The following KCNQ5 variants were observed in gnomAD, a reference collection of about 807,000 sequenced individuals.
KCNQ5 encodes the protein potassium voltage-gated channel subfamily KQT member 5.
Under a neutral mutation model 98.2 loss-of-function variants are expected in KCNQ5, and 30 were observed. The observed-to-expected ratio is 0.31, with a 90% CI of 0.23 to 0.41. KCNQ5 has a LOEUF of 0.41. KCNQ5 is among the 10% of genes least tolerant of loss of function. The pLI is 1.00. For synonymous variants in KCNQ5, 458 were observed against 449.4 expected (o/e 1.02, Z -0.24); for missense variants, 835 against 1,182.5 (o/e 0.71, Z 4.31).
intron 3 of KCNQ5, among the ~76,000 whole-genome samples, chr6:73,061,436 A>G (rs1772776050): frequency 6.6e-6 from 1 of 152,230 alleles, no homozygotes; most frequent in South Asian, 2.1e-4. Flanking sequence ...AGTACAGTTT[A>G]GATGTTGACT....
intron 3 of KCNQ5, among the ~76,000 whole-genome samples, chr6:73,059,655 T>G (rs1372709103): frequency 6.6e-6 from 1 of 152,190 alleles, no homozygotes; most frequent in East Asian, 1.9e-4. Context: ...AAATGACATC[T>G]TATTTTCATA....
chr6:73,020,690 A>G (rs1582203082), intron 2 of KCNQ5, among the ~76,000 whole-genome samples: 1 of 152,196 alleles, frequency 6.6e-6, no homozygotes, highest in East Asian at 1.9e-4. Context: ...CTCCATCCTG[A>G]AGCTGCCTAG....
chr6:73,043,491 G>A (rs1246195343), intron 3 of KCNQ5, among the ~76,000 whole-genome samples: 1 of 152,154 alleles, frequency 6.6e-6, no homozygotes. Flanking sequence ...ATTAGTGAAG[G>A]CATTAGATTT....
At chr6:72,943,240 C>A (rs921210138) in intron 1 of KCNQ5, among the ~76,000 whole-genome samples, 2 of 152,166 alleles carry the variant, frequency 1.3e-5, no homozygotes, top group Admixed American at 6.6e-5. Flanking sequence ...ACAGAATCTG[C>A]ATAAATATAT....
intron 11 of KCNQ5, among the ~76,000 whole-genome samples, chr6:73,172,758 A>AT (rs1475022205): frequency 2.0e-5 from 3 of 152,206 alleles, no homozygotes; most frequent in East Asian, 3.9e-4. Context: ...TTTTCTTGTT[A>AT]TTTTTTAATT....
intron 1 of KCNQ5, among the ~76,000 whole-genome samples, chr6:72,936,635 C>A (rs1765930189): frequency 6.6e-6 from 1 of 152,148 alleles, no homozygotes; most frequent in Non-Finnish European, 1.5e-5. Flanking sequence ...TTTTTCCAAT[C>A]TCTTACAACT....
intron 1 of KCNQ5, among the ~76,000 whole-genome samples, chr6:72,963,735 T>C (rs1767481666): frequency 6.6e-6 from 1 of 152,162 alleles, no homozygotes; most frequent in Admixed American, 6.5e-5. Flanking sequence ...TGATCTTGGC[T>C]CACTGCAACC....
At chr6:72,885,630 G>A (rs1778817712) in intron 1 of KCNQ5, among the ~76,000 whole-genome samples, 1 of 152,066 alleles carries the variant, frequency 6.6e-6, no homozygotes, top group Admixed American at 6.6e-5. Context: ...AAAAAAATAA[G>A]AGAGCCCCTT....
chr6:72,918,143 C>T (rs1452447305), intron 1 of KCNQ5, among the ~76,000 whole-genome samples: 1 of 152,152 alleles, frequency 6.6e-6, no homozygotes, highest in Non-Finnish European at 1.5e-5. Context: ...AACTGAGTTT[C>T]CTGTGTCACT....
At chr6:73,091,471 TAAA>T (rs1216957644) in intron 5 of KCNQ5, among the ~76,000 whole-genome samples, 1 of 151,738 alleles carries the variant, frequency 6.6e-6, no homozygotes, top group Non-Finnish European at 1.5e-5. Flanking sequence ...TAAAGTATAA[TAAA>T]AAAGATAAAA....
intron 1 of KCNQ5, among the ~76,000 whole-genome samples, chr6:72,783,059 G>A (rs570706471): frequency 2.6e-5 from 4 of 152,222 alleles, no homozygotes; most frequent in South Asian, 2.1e-4. Flanking sequence ...TGGTAATGTC[G>A]GGAAGGAGTT....
At chr6:73,097,142 C>CATATATATATATATATATATATAT (rs70994161) in intron 5 of KCNQ5, among the ~76,000 whole-genome samples, 3,776 of 121,304 alleles carry the variant, frequency 0.031, 118 homozygotes, top group South Asian at 0.056. Flanking sequence ...CAATAGATCT[C>CATATATATATATATATATATATAT]ATATATATAT....
At chr6:72,625,212 T>G (rs538279475) in intron 1 of KCNQ5, among the ~76,000 whole-genome samples, 64 of 152,344 alleles carry the variant, frequency 4.2e-4, no homozygotes, top group African/African-American at 1.4e-3. Context: ...GCAAAAATAA[T>G]TATTATAATG....
intron 2 of KCNQ5, among the ~76,000 whole-genome samples, chr6:73,008,456 G>A (rs1769914863): frequency 6.6e-6 from 1 of 151,832 alleles, no homozygotes; most frequent in South Asian, 2.1e-4. Context: ...AGAGAGCAGA[G>A]GTGGCTATAC....
At position 72,927,829 on chromosome 6, in the gene KCNQ5, T is replaced by G. The variant is rs931228107; in HGVS notation, c.399-76079T>G. ...TTATAGGTGACCAATACAAATTTTT[T>G]TTTCACTTGTTTTCGCAAAAGATAG... On this transcript the variant is annotated intron_variant, in intron 1 of 13. Coordinates refer to ENST00000370398, the MANE Select transcript of KCNQ5 (RefSeq NM_019842.4). 3.9e-5 allele frequency among the ~76,000 whole-genome samples: 6 copies of G among 152,192 alleles called. No individual in the cohort carries two copies. In the East Asian group the frequency reaches 1.2e-3, roughly 29 times the overall value.
At chr6:73,017,508 G>T (rs1250093674) in intron 2 of KCNQ5, among the ~76,000 whole-genome samples, 1 of 152,066 alleles carries the variant, frequency 6.6e-6, no homozygotes, top group Non-Finnish European at 1.5e-5. Context: ...CCCCATGCAG[G>T]TATACACACC....
intron 1 of KCNQ5, among the ~76,000 whole-genome samples, chr6:72,814,996 A>G (rs1238047604): frequency 6.6e-6 from 1 of 152,230 alleles, no homozygotes; most frequent in African/African-American, 2.4e-5. Context: ...ATGAGCAAAT[A>G]TCAGGCAAGG....
intron 1 of KCNQ5, among the ~76,000 whole-genome samples, chr6:72,902,052 A>G (rs746763137): frequency 6.6e-6 from 1 of 152,240 alleles, no homozygotes; most frequent in Admixed American, 6.5e-5. Flanking sequence ...TTCCTTGTAG[A>G]GGTCTTTCAC....
At position 72,632,648 on chromosome 6, in the gene KCNQ5, T is replaced by A. The variant is rs528383442; in HGVS notation, c.398+10061T>A. Among the ~76,000 whole-genome samples, 12 of 152,304 alleles carry A rather than the reference T, an allele frequency of 7.9e-5. No individual in the cohort carries two copies. The South Asian group carries it at 1.2e-3, about 16-fold the overall frequency. ...TTTACATCTTTATGTGCTTAGTATT[T>A]ATCTTCACACTTCTAAGTGAGAATA... On this transcript the variant is annotated intron_variant, in intron 1 of 13. Coordinates refer to ENST00000370398, the MANE Select transcript of KCNQ5 (RefSeq NM_019842.4).
Sources: allele counts gnomAD v4.1 joint callset (sites outside exome capture counted in the v4.1 genomes callset), GRCh38; gene constraint gnomAD v4.1.1; transcripts MANE v1.5; gene names NCBI Gene and HGNC (gene_info 2026-07-23, HGNC 2026-07-21).